CSMD3: variants seen among roughly 807,000 people sequenced by gnomAD.
The protein encoded by CSMD3 is CUB and Sushi multiple domains 3.
In CSMD3, 177 loss-of-function variants were observed where a neutral mutation model predicts 435.2. The ratio of observed to expected loss-of-function variants is 0.41; its 90% CI spans 0.36 to 0.46. The LOEUF (loss-of-function observed/expected upper bound fraction) is 0.46, where lower values mean the gene tolerates loss of function less well. CSMD3 is among the 20% of genes least tolerant of loss of function. CSMD3 has a pLI of 0.34. For missense variants in CSMD3, 4,265 were observed against 4,504.6 expected, an observed-to-expected ratio of 0.95 and a Z score of 1.52; for synonymous variants, 1,656 against 1,520.5, an observed-to-expected ratio of 1.09 and a Z score of -2.07.
chr8:112,690,496 G>A (rs1465569714), intron 13 of CSMD3, among the ~76,000 whole-genome samples: 1 of 151,290 alleles, frequency 6.6e-6, no homozygotes, highest in Non-Finnish European at 1.5e-5. Context: ...CATTCTCTGT[G>A]TCTATACTCC....
At chr8:112,690,433 T>C (rs1012166714) in intron 13 of CSMD3, among the ~76,000 whole-genome samples, 6 of 151,994 alleles carry the variant, frequency 3.9e-5, no homozygotes, top group African/African-American at 1.4e-4. Context: ...CTTATTCTTG[T>C]CATTTCTACA....
intron 10 of CSMD3, among the ~76,000 whole-genome samples, chr8:112,896,400 G>A (rs1385163106): frequency 6.6e-6 from 1 of 151,406 alleles, no homozygotes; most frequent in Non-Finnish European, 1.5e-5. Flanking sequence ...ACAGATATCT[G>A]AGAAAAATAA....
intron 59 of CSMD3, among the ~76,000 whole-genome samples, chr8:112,270,799 A>G (rs539563075): frequency 6.6e-6 from 1 of 152,180 alleles, no homozygotes; most frequent in Non-Finnish European, 1.5e-5. Context: ...GGAGGAACTA[A>G]GTGCCCAAAG....
intron 16 of CSMD3, among the ~76,000 whole-genome samples, chr8:112,670,361 C>T (rs188672936): frequency 1.4e-4 from 22 of 152,148 alleles, no homozygotes; most frequent in Admixed American, 3.3e-4. Flanking sequence ...AAGTGAACCA[C>T]GGCAATTGAA....
intron 4 of CSMD3, among the ~76,000 whole-genome samples, chr8:113,101,848 C>T (rs2090339772): frequency 6.6e-6 from 1 of 151,934 alleles, no homozygotes; most frequent in Admixed American, 6.6e-5. Context: ...AACTTTTCTT[C>T]AGTAAATGTT....
chr8:112,936,050 T>C (rs1243524124), intron 9 of CSMD3, among the ~76,000 whole-genome samples: 1 of 151,934 alleles, frequency 6.6e-6, no homozygotes, highest in Non-Finnish European at 1.5e-5. Flanking sequence ...CAACTAAGAG[T>C]AGTTACTAGT....
At chr8:113,395,137 C>A (rs2094477394) in intron 1 of CSMD3, among the ~76,000 whole-genome samples, 1 of 151,964 alleles carries the variant, frequency 6.6e-6, no homozygotes, top group Non-Finnish European at 1.5e-5. Flanking sequence ...AATTTGAAAT[C>A]TAGTACAAAC....
chr8:113,313,395 C>T (rs1221716024), intron 2 of CSMD3: 1 of 152,028 alleles, frequency 6.6e-6, no homozygotes, highest in Non-Finnish European at 1.5e-5. Context: ...GATCTTGGCT[C>T]GCTGCAAGCT....
chr8:112,396,270 G>A (rs1830854433), intron 35 of CSMD3, among the ~76,000 whole-genome samples: 1 of 152,126 alleles, frequency 6.6e-6, no homozygotes, highest in Non-Finnish European at 1.5e-5. Context: ...TGCTGACTTG[G>A]CTTAAGTTAT....
At chr8:112,319,087 G>A in intron 46 of CSMD3, 137 bp from the exon 47 acceptor site, 1 of 675,754 alleles carries the variant, frequency 1.5e-6, no homozygotes, top group East Asian at 2.7e-5. Context: ...GTATAAGTAG[G>A]AGTTATATTC....
At chr8:113,050,645 G>T (rs2131324812) in intron 5 of CSMD3, among the ~76,000 whole-genome samples, 1 of 152,184 alleles carries the variant, frequency 6.6e-6, no homozygotes, top group Non-Finnish European at 1.5e-5. Context: ...ATATATATTT[G>T]TACGTATCTA....
chr8:112,730,525 A>G (rs2077052772), intron 13 of CSMD3, among the ~76,000 whole-genome samples: 1 of 152,130 alleles, frequency 6.6e-6, no homozygotes, highest in Non-Finnish European at 1.5e-5. Flanking sequence ...TAGTTTGACA[A>G]TATTAAGTTT....
intron 13 of CSMD3, among the ~76,000 whole-genome samples, chr8:112,740,788 C>T (rs562175632): frequency 6.6e-6 from 1 of 151,910 alleles, no homozygotes; most frequent in African/African-American, 2.4e-5. Context: ...AGTATAAGTT[C>T]TTCACACACA....
At chr8:113,242,094 A>T (rs2093225205) in intron 3 of CSMD3, among the ~76,000 whole-genome samples, 1 of 151,712 alleles carries the variant, frequency 6.6e-6, no homozygotes, top group African/African-American at 2.4e-5. Flanking sequence ...TTATAAAATT[A>T]AAATGAAAAT....
At chr8:112,915,127 C>T (rs1457066258) in intron 10 of CSMD3, among the ~76,000 whole-genome samples, 1 of 151,810 alleles carries the variant, frequency 6.6e-6, no homozygotes, top group Non-Finnish European at 1.5e-5. Context: ...AATAATTTTT[C>T]AACATTTCCT....
At chr8:112,756,601 T>G (rs2132126953) in intron 13 of CSMD3, among the ~76,000 whole-genome samples, 1 of 152,320 alleles carries the variant, frequency 6.6e-6, no homozygotes, top group East Asian at 1.9e-4. Context: ...TCTGCTTTTC[T>G]TAGAAAACAA....
intron 55 of CSMD3, 123 bp from the exon 56 acceptor site, chr8:112,291,818 A>G (rs965854794): frequency 1.2e-5 from 8 of 664,874 alleles, no homozygotes; most frequent in Non-Finnish European, 2.1e-5. Context: ...CCAGATTCCA[A>G]TAATAAAATT....
chr8:112,285,829 C>T (rs1316737979), intron 58 of CSMD3, among the ~76,000 whole-genome samples: 1 of 152,054 alleles, frequency 6.6e-6, no homozygotes, highest in East Asian at 1.9e-4. Flanking sequence ...AGTGATCCTC[C>T]TGCCTTAGCA....
In CSMD3 at chr8:112,831,861, G is replaced by T. The variant is rs894965206; in HGVS notation, c.1756-2072C>A. ...TGCCCAGGACCTTCTGTTCCATAGAGGGAGTTAAATCAATATCTTAGTTCT... is the reference window on the plus strand; with the variant it reads ...TGCCCAGGACCTTCTGTTCCATAGATGGAGTTAAATCAATATCTTAGTTCT... On this transcript the variant is annotated intron_variant, in intron 11 of 70. Coordinates refer to ENST00000297405, the MANE Select transcript of CSMD3 (RefSeq NM_198123.2). Among the ~76,000 whole-genome samples, 3 of 152,172 alleles carry T rather than the reference G, an allele frequency of 2.0e-5. No homozygotes were observed. The South Asian group carries it at 6.3e-4, about 32-fold the overall frequency.
Sources: allele counts gnomAD v4.1 joint callset (sites outside exome capture counted in the v4.1 genomes callset), GRCh38; gene constraint gnomAD v4.1.1; transcripts MANE v1.5; gene names NCBI Gene and HGNC (gene_info 2026-07-23, HGNC 2026-07-21).